PTPRD: variants seen among roughly 807,000 people sequenced by gnomAD.
PTPRD encodes protein tyrosine phosphatase receptor type D.
Under a neutral mutation model 214.5 loss-of-function variants are expected in PTPRD, and 34 were observed. That is an observed-to-expected ratio of 0.16 (90% CI 0.12 to 0.21). PTPRD has a LOEUF of 0.21. Among genes scored for constraint, PTPRD ranks in the 10% least tolerant of loss-of-function variants. The probability of loss-of-function intolerance (pLI) is 1.00; values close to 1 mark genes in which losing one functional copy is unlikely to be tolerated. For missense variants in PTPRD, 2,545 were observed against 2,398.7 expected (o/e 1.06, Z -1.27); for synonymous variants, 1,128 against 845.7 (o/e 1.33, Z -5.79).
At position 9,704,599 on chromosome 9, in the gene PTPRD, A is replaced by C. The variant is rs77805493; in HGVS notation, c.-287+29934T>G. Among the ~76,000 whole-genome samples the C allele has an allele frequency of 4.7e-3, 718 of 152,334 alleles. 4 individuals carry two copies. The highest frequency in any genetic ancestry group is 0.016 in the African/African-American group (676 of 41,578). On this transcript the variant is annotated intron_variant, in intron 7 of 45. Coordinates refer to ENST00000381196, the MANE Select transcript of PTPRD (RefSeq NM_002839.4). ...ACAACAACAAAAATGCAGCCAAAGT[A>C]ACGTTCTGGAACTTCCAAGAATATT...
intron 7 of PTPRD, among the ~76,000 whole-genome samples, chr9:9,658,687 A>G (rs180949380): frequency 6.6e-6 from 1 of 152,316 alleles, no homozygotes; most frequent in East Asian, 1.9e-4. Context: ...TTCAAGAGTC[A>G]TTAAGTAGCT....
intron 3 of PTPRD, among the ~76,000 whole-genome samples, chr9:10,222,446 T>C (rs1406532642): frequency 6.6e-6 from 1 of 152,144 alleles, no homozygotes; most frequent in African/African-American, 2.4e-5. Context: ...AATAGCATCC[T>C]ATGTCTTTAT....
chr9:9,547,710 C>T (rs1217359381), intron 8 of PTPRD, among the ~76,000 whole-genome samples: 2 of 151,684 alleles, frequency 1.3e-5, no homozygotes, highest in African/African-American at 4.8e-5. Context: ...TATTTGAAGG[C>T]TATTTTCCAA....
chr9:8,512,367 T>C (rs964544290), intron 21 of PTPRD, among the ~76,000 whole-genome samples: 4 of 152,102 alleles, frequency 2.6e-5, no homozygotes, highest in Admixed American at 1.3e-4. Flanking sequence ...TTAAATTTTA[T>C]TATAGTTGTA....
chr9:10,406,670 G>T (rs1268110657), intron 2 of PTPRD, among the ~76,000 whole-genome samples: 3 of 151,604 alleles, frequency 2.0e-5, no homozygotes, highest in Non-Finnish European at 3.0e-5. Flanking sequence ...TATGACAGAA[G>T]AATTTTCACT....
At chr9:8,536,178 T>C (rs2076887757) in intron 14 of PTPRD, among the ~76,000 whole-genome samples, 1 of 151,934 alleles carries the variant, frequency 6.6e-6, no homozygotes, top group South Asian at 2.1e-4. Flanking sequence ...TTTTATTGTG[T>C]CATGTTTCCT....
At chr9:9,215,635 A>T (rs1337849945) in intron 9 of PTPRD, among the ~76,000 whole-genome samples, 3 of 152,048 alleles carry the variant, frequency 2.0e-5, no homozygotes, top group African/African-American at 7.2e-5. Flanking sequence ...TGGAGTTGGG[A>T]CGAAGGGAGC....
intron 3 of PTPRD, among the ~76,000 whole-genome samples, chr9:10,038,084 C>T (rs1204456725): frequency 3.3e-5 from 5 of 152,106 alleles, no homozygotes; most frequent in Non-Finnish European, 7.4e-5. Context: ...TCTGTCACAT[C>T]TCATATTTGG....
At chr9:9,509,993 G>A (rs1191664066) in intron 8 of PTPRD, among the ~76,000 whole-genome samples, 1 of 151,548 alleles carries the variant, frequency 6.6e-6, no homozygotes, top group African/African-American at 2.4e-5. Flanking sequence ...CAAGAAGAGT[G>A]AGAAATCAGA....
intron 2 of PTPRD, among the ~76,000 whole-genome samples, chr9:10,394,593 A>T (rs575827012): frequency 1.1e-3 from 166 of 151,912 alleles, no homozygotes; most frequent in Non-Finnish European, 2.0e-3. Context: ...AAAACCACGT[A>T]GTCTATCCAA....
At chr9:10,213,100 C>T (rs923523768) in intron 3 of PTPRD, among the ~76,000 whole-genome samples, 5 of 152,094 alleles carry the variant, frequency 3.3e-5, no homozygotes, top group African/African-American at 1.2e-4. Flanking sequence ...AAACCTTTGG[C>T]ACCATAGAGA....
chr9:8,427,955 A>G (rs1405666329), intron 35 of PTPRD, among the ~76,000 whole-genome samples: 1 of 152,194 alleles, frequency 6.6e-6, no homozygotes, highest in Non-Finnish European at 1.5e-5. Flanking sequence ...ACTACTGAGT[A>G]CTGGTGTCAG....
chr9:9,712,629 T>C (rs1165137521), intron 7 of PTPRD, among the ~76,000 whole-genome samples: 2 of 152,152 alleles, frequency 1.3e-5, no homozygotes, highest in African/African-American at 4.8e-5. Context: ...TACACTGCCA[T>C]TCTTGAACGT....
At chr9:9,999,328 G>C (rs765109336) in intron 4 of PTPRD, among the ~76,000 whole-genome samples, 11 of 152,128 alleles carry the variant, frequency 7.2e-5, no homozygotes, top group Non-Finnish European at 1.3e-4. Flanking sequence ...AGAAATAGAA[G>C]ACCTTAGGCT....
chr9:8,966,144 C>G (rs2099192887), intron 11 of PTPRD, among the ~76,000 whole-genome samples: 1 of 151,920 alleles, frequency 6.6e-6, no homozygotes, highest in African/African-American at 2.4e-5. Flanking sequence ...AAATAACAGT[C>G]CATGCATATG....
chr9:9,849,711 A>G (rs1325895381), intron 5 of PTPRD, among the ~76,000 whole-genome samples: 1 of 152,084 alleles, frequency 6.6e-6, no homozygotes, highest in Non-Finnish European at 1.5e-5. Flanking sequence ...CCACTGAATC[A>G]GTGCTAAGGA....
At chr9:8,358,778 ATTTAAC>A (rs2077595597) in intron 39 of PTPRD, among the ~76,000 whole-genome samples, 2 of 152,064 alleles carry the variant, frequency 1.3e-5, no homozygotes, top group South Asian at 2.1e-4. Flanking sequence ...TGAAACCAAT[ATTTAAC>A]TTTATTTTCT....
chr9:9,855,679 C>T (rs1459108954), intron 5 of PTPRD, among the ~76,000 whole-genome samples: 4 of 152,180 alleles, frequency 2.6e-5, no homozygotes, highest in Non-Finnish European at 5.9e-5. Flanking sequence ...GGAGTGAACT[C>T]CACCCCTCCA....
At chr9:8,917,496 G>C (rs1397221873) in intron 11 of PTPRD, among the ~76,000 whole-genome samples, 14 of 151,950 alleles carry the variant, frequency 9.2e-5, no homozygotes, top group Non-Finnish European at 4.4e-5. Context: ...ACAGGTCTAA[G>C]CTGTGGTCTA....
Sources: gnomAD v4.1 joint callset for allele counts (sites outside exome capture counted in the v4.1 genomes callset) on GRCh38, gnomAD v4.1.1 for gene constraint, MANE v1.5 for transcripts, NCBI Gene and HGNC (gene_info 2026-07-23, HGNC 2026-07-21) for gene names.